Variants in NR1D2 observed in about 807,000 individuals in gnomAD.
NR1D2 encodes the protein nuclear receptor subfamily 1 group D member 2, also known as V-erbA-related protein 1-related.
Under a neutral mutation model 52.2 loss-of-function variants are expected in NR1D2, and 25 were observed. The ratio of observed to expected loss-of-function variants is 0.48; its 90% CI spans 0.35 to 0.67. NR1D2 has a LOEUF of 0.67. Among genes scored for constraint, NR1D2 ranks in the 30% least tolerant of loss-of-function variants. The pLI is 0.01. For synonymous variants in NR1D2, 259 were observed against 230.1 expected (o/e 1.13, Z -1.14); for missense variants, 681 against 707.2 (o/e 0.96, Z 0.42).
intron 3 of NR1D2, 21 bp downstream of exon 3, chr3:23,956,146 T>C (rs1706075624): frequency 6.4e-7 from 1 of 1,572,906 alleles, no homozygotes; most frequent in African/African-American, 1.4e-5. Context: ...CTTTTGTTTC[T>C]TTAAGCTACT....
At chr3:23,959,963 C>A (rs1027969793) in intron 4 of NR1D2, 148 bp downstream of exon 4, 9 of 597,548 alleles carry the variant, frequency 1.5e-5, no homozygotes, top group Non-Finnish European at 2.4e-5. Flanking sequence ...TACAGGACAC[C>A]AAATTGATTA....
chr3:23,951,784 G>A (rs1480765681), intron 1 of NR1D2, among the ~76,000 whole-genome samples: 1 of 152,204 alleles, frequency 6.6e-6, no homozygotes, highest in Admixed American at 6.5e-5. Flanking sequence ...CTGAGGATGT[G>A]TTCTCGTCTG....
chr3:23,967,971 A>G lies in NR1D2; in HGVS notation c.1491A>G (p.Gln497=). The G allele has an allele frequency of 6.2e-7, 1 of 1,614,116 alleles. No homozygotes were observed. The highest frequency in any genetic ancestry group is 2.2e-5 in the East Asian group (1 of 44,874). ...TTAGTGAGAAGCTAAATGCCCTCCAACTTAGTGATGAAGAGATGAGTTTGT... is the reference window on the plus strand; with the variant it reads ...TTAGTGAGAAGCTAAATGCCCTCCAGCTTAGTGATGAAGAGATGAGTTTGT... The part of the protein sequence containing the change: ...FEFSEKLNAL[Q]LSDEEMSLFT... The change falls in exon 7 of 8, where the codon CAA becomes CAG. Residue 497 remains glutamine (Q), a synonymous_variant. Transcript: ENST00000312521.
rs1199491881 is a variant in NR1D2 at position 23,978,264 on chromosome 3, C to T, written c.*845C>T. On this transcript the variant is annotated 3_prime_UTR_variant, in exon 8 of 8. Transcript: ENST00000312521. Reference sequence around the variant, plus strand: ...TATGTGAATATAGTTAAATATATTTCTTCACAATATTTTAAACTGTGAAGA... The same window carrying T: ...TATGTGAATATAGTTAAATATATTTTTTCACAATATTTTAAACTGTGAAGA... The T allele has an allele frequency of 6.6e-6, 1 of 152,048 alleles. No individual in the cohort carries two copies. Among genetic ancestry groups the T allele is most frequent in the African/African-American group, 2.4e-5 (1 of 41,398 alleles). 9.4% of individuals were successfully genotyped at this position (152,048 alleles called of 1,614,324 possible). A position where few individuals can be genotyped will look rare whatever the true frequency, so the allele number is the denominator to read the frequency against.
At chr3:23,966,994 G>A (rs1045137259) in intron 6 of NR1D2, among the ~76,000 whole-genome samples, 8 of 152,116 alleles carry the variant, frequency 5.3e-5, no homozygotes, top group Admixed American at 2.6e-4. Context: ...TTGCATCTCC[G>A]GCCTGGGCAA....
At chr3:23,948,027 G>A (rs569834747) in intron 1 of NR1D2, among the ~76,000 whole-genome samples, 12 of 151,556 alleles carry the variant, frequency 7.9e-5, no homozygotes, top group African/African-American at 2.2e-4. Flanking sequence ...CTGAGCAGCA[G>A]AATAGCTTGA....
rs551498871 is a variant in NR1D2, at chr3:23,963,308, T to C, written c.1146+703T>C. On this transcript the variant is annotated intron_variant, in intron 5 of 7. Coordinates refer to ENST00000312521, the MANE Select transcript of NR1D2 (RefSeq NM_005126.5). ...TTTAAACCATGAAGTCCTTTGATAG[T>C]GCTTGGTATTTTCTACTGACAGGTA... is the stretch of plus-strand genomic sequence containing the variant. The C allele has an allele frequency of 2.2e-6, 3 of 1,348,526 alleles. No individual in the cohort carries two copies. The South Asian group carries it at 3.5e-5, about 16-fold the overall frequency. 83.5% of individuals were successfully genotyped at this position (1,348,526 alleles called of 1,614,324 possible).
intron 7 of NR1D2, among the ~76,000 whole-genome samples, chr3:23,973,013 A>G (rs1211553008): frequency 6.6e-6 from 1 of 152,202 alleles, no homozygotes; most frequent in Non-Finnish European, 1.5e-5. Context: ...CAACAACTTC[A>G]AACATTTTTA....
Position 23,956,142 on chromosome 3 carries a change from T to C in NR1D2, c.372+17T>C. 6.3e-7 allele frequency: 1 copy of C among 1,595,660 alleles called. No homozygotes were observed. Among genetic ancestry groups the C allele is most frequent in the Non-Finnish European group, 8.6e-7 (1 of 1,163,330 alleles). On this transcript the variant is annotated intron_variant, in intron 3 of 7. Transcript: ENST00000312521. ...GGCTGTAAGGTAAAGCATGCTTTTG[T>C]TTCTTTAAGCTACTGATTCTGGGAT...
At chr3:23,977,163 A>G in intron 7 of NR1D2, 60 bp from the exon 8 acceptor site, 1 of 942,118 alleles carries the variant, frequency 1.1e-6, no homozygotes, top group Non-Finnish European at 1.5e-6. Context: ...AATTTTATTT[A>G]TATTTAATGT....
intron 6 of NR1D2, among the ~76,000 whole-genome samples, chr3:23,967,477 G>A (rs913930667): frequency 9.9e-5 from 15 of 151,964 alleles, no homozygotes; most frequent in Admixed American, 5.2e-4. Context: ...TTAGTTGGGC[G>A]TGGTGGCGCA....
intron 7 of NR1D2, among the ~76,000 whole-genome samples, chr3:23,970,931 A>G (rs938348882): frequency 6.6e-6 from 1 of 151,998 alleles, no homozygotes; most frequent in African/African-American, 2.4e-5. Context: ...ACAGGCATGC[A>G]CTACTACACC....
At chr3:23,958,926 G>C (rs1706158682) in intron 3 of NR1D2, among the ~76,000 whole-genome samples, 2 of 152,142 alleles carry the variant, frequency 1.3e-5, no homozygotes, top group African/African-American at 4.8e-5. Context: ...TCCAGCCCGG[G>C]CTACAGAGCA....
chr3:23,946,296 C>T (rs1010033559), intron 1 of NR1D2: 3 of 985,444 alleles, frequency 3.0e-6, no homozygotes, highest in Non-Finnish European at 3.6e-6. Context: ...AACGAACCGG[C>T]GCCTGGGGAG....
rs553083938 is a variant in NR1D2 at position 23,978,934 on chromosome 3, G to C, written c.*1515G>C. 6.6e-6 allele frequency: 1 copy of C among 151,976 alleles called. No individual in the cohort carries two copies. Among genetic ancestry groups the C allele is most frequent in the Non-Finnish European group, 1.5e-5 (1 of 67,882 alleles). The allele number at this position is 151,976 out of a possible 1,614,324, so 9.4% of individuals were successfully genotyped here. On this transcript the variant is annotated 3_prime_UTR_variant, in exon 8 of 8. Transcript: ENST00000312521. ...TAGTAGGAGAAATAGCCAAAGTTGA[G>C]GATTTTATGTATGTTTTCCTGTTTA...
At chr3:23,945,655 C>T (rs2125275711) in intron 1 of NR1D2, 61 bp downstream of exon 1, 8 of 871,072 alleles carry the variant, frequency 9.2e-6, no homozygotes, top group South Asian at 5.4e-5. Context: ...GCCCGCGGGG[C>T]ACTTTGGGGG....
chr3:23,954,323 T>G (rs1706025827), intron 1 of NR1D2, among the ~76,000 whole-genome samples: 1 of 152,228 alleles, frequency 6.6e-6, no homozygotes. Flanking sequence ...TCTCCCTTTT[T>G]AAATCAGTGG....
intron 4 of NR1D2, among the ~76,000 whole-genome samples, chr3:23,960,500 T>G (rs1706206188): frequency 6.6e-6 from 1 of 152,060 alleles, no homozygotes; most frequent in Non-Finnish European, 1.5e-5. Flanking sequence ...CTGGCTAATT[T>G]TTGTATTTTT....
intron 1 of NR1D2, among the ~76,000 whole-genome samples, chr3:23,949,699 A>G (rs933091793): frequency 6.6e-6 from 1 of 152,262 alleles, no homozygotes; most frequent in East Asian, 1.9e-4. Flanking sequence ...TTGGAGTAGA[A>G]ATTATTTATA....
Sources: allele counts gnomAD v4.1 joint callset (sites outside exome capture counted in the v4.1 genomes callset), GRCh38; gene constraint gnomAD v4.1.1; transcripts MANE v1.5; gene names NCBI Gene and HGNC (gene_info 2026-07-23, HGNC 2026-07-21).